The following CDKL2 variants were observed in gnomAD, a reference collection of about 807,000 sequenced individuals.
The protein encoded by CDKL2 is cyclin-dependent kinase-like 2.
In CDKL2, 64 loss-of-function variants were observed where a neutral mutation model predicts 63.9. The observed-to-expected ratio is 1.00, with a 90% CI of 0.82 to 1.23. The LOEUF is 1.23. CDKL2 is among the 50% of genes most tolerant of loss of function. The pLI is 0.00. For synonymous variants in CDKL2, 211 were observed against 229.2 expected (o/e 0.92, Z 0.72); for missense variants, 656 against 668.0 (o/e 0.98, Z 0.20).
chr4:75,594,999 A>G (rs1728854994), intron 10 of CDKL2, among the ~76,000 whole-genome samples: 1 of 152,132 alleles, frequency 6.6e-6, no homozygotes, highest in African/African-American at 2.4e-5. Flanking sequence ...ACTTCAAAAG[A>G]GAAACATTCT....
intron 12 of CDKL2, among the ~76,000 whole-genome samples, chr4:75,587,341 T>G (rs1728519043): frequency 6.6e-6 from 1 of 151,684 alleles, no homozygotes; most frequent in South Asian, 2.1e-4. Flanking sequence ...GTAATCCCAG[T>G]AACTCGGGAG....
In CDKL2 at chr4:75,614,276, A is replaced by G; in HGVS notation, c.342T>C (p.Ile114=). The change falls in exon 3 of 14, where the codon ATT becomes ATC. Residue 114 remains isoleucine (I), a synonymous_variant. Coordinates refer to ENST00000307465, the MANE Select transcript of CDKL2 (RefSeq NM_001330724.2). ...TTACATTGTGACTGTGACAAAATCC[A>G]ATTCCATTAATAATCTGAAACAAAT... is the stretch of plus-strand genomic sequence containing the variant. ...QKYLFQIING[I]GFCHSHNIIH... The G allele has an allele frequency of 1.2e-6, 2 of 1,605,056 alleles. No homozygotes were observed. The highest frequency in any genetic ancestry group is 1.7e-6 in the Non-Finnish European group (2 of 1,176,420).
rs1455481071 is a variant in CDKL2, at chr4:75,630,475, C to T, written c.-463G>A. Reference sequence around the variant, plus strand: ...CGCCCAGTACCTGGAGCCTGGGAACCTGCACCGCTCCAACTACCCCTGGGC... The same window carrying T: ...CGCCCAGTACCTGGAGCCTGGGAACTTGCACCGCTCCAACTACCCCTGGGC... On this transcript the variant is annotated 5_prime_UTR_variant, in exon 1 of 14. Coordinates refer to ENST00000307465, the MANE Select transcript of CDKL2 (RefSeq NM_001330724.2). 2 of 152,340 alleles carry T rather than the reference C, an allele frequency of 1.3e-5. No individual in the cohort carries two copies. The highest frequency in any genetic ancestry group is 4.8e-5 in the African/African-American group (2 of 41,482). The allele number at this position is 152,340 out of a possible 1,614,324, so 9.4% of individuals were successfully genotyped here.
chr4:75,622,065 G>A (rs1730177434), intron 2 of CDKL2, among the ~76,000 whole-genome samples: 1 of 152,074 alleles, frequency 6.6e-6, no homozygotes, highest in African/African-American at 2.4e-5. Flanking sequence ...GTACCTGTTT[G>A]AGTATCAATA....
chr4:75,606,938 A>G (rs1020849586), intron 4 of CDKL2, among the ~76,000 whole-genome samples: 1 of 152,192 alleles, frequency 6.6e-6, no homozygotes, highest in Admixed American at 6.5e-5. Context: ...TGATAAATAT[A>G]TCTATTTCCA....
rs780619330 is a variant in CDKL2, at chr4:75,603,976, A to G, written c.656-20T>C. 3.8e-6 allele frequency: 6 copies of G among 1,595,536 alleles called. No homozygotes were observed. The highest frequency in any genetic ancestry group is 3.4e-5 in the South Asian group (3 of 88,376). On this transcript the variant is annotated intron_variant, in intron 5 of 13. Coordinates refer to ENST00000307465, the MANE Select transcript of CDKL2 (RefSeq NM_001330724.2). Reference sequence around the variant, plus strand: ...GATTACCTGGAAGTGAAAACAGCACATATCTCTGTTATTATACAACATGAT... The same window carrying G: ...GATTACCTGGAAGTGAAAACAGCACGTATCTCTGTTATTATACAACATGAT...
At chr4:75,620,764 G>A (rs1460258519) in intron 2 of CDKL2, among the ~76,000 whole-genome samples, 2 of 152,074 alleles carry the variant, frequency 1.3e-5, no homozygotes, top group East Asian at 1.9e-4. Flanking sequence ...AGTGATTGAC[G>A]TTCAGGGGCC....
rs1026594644 is a variant in CDKL2 at position 75,577,567 on chromosome 4, T to C, written c.*1635A>G. ...CACTGATCTTTACATAAAAATAGTATTGAAATAAGCCGAAGCGCCATTTGG... is the reference window on the plus strand; with the variant it reads ...CACTGATCTTTACATAAAAATAGTACTGAAATAAGCCGAAGCGCCATTTGG... On this transcript the variant is annotated 3_prime_UTR_variant, in exon 14 of 14. Coordinates refer to ENST00000307465, the MANE Select transcript of CDKL2 (RefSeq NM_001330724.2). Among the ~76,000 whole-genome samples the C allele has an allele frequency of 2.0e-5, 3 of 152,210 alleles. No homozygotes were observed. Among genetic ancestry groups the C allele is most frequent in the African/African-American group, 7.2e-5 (3 of 41,470 alleles).
At chr4:75,582,482 A>G (rs2148855915) in intron 12 of CDKL2, among the ~76,000 whole-genome samples, 1 of 152,312 alleles carries the variant, frequency 6.6e-6, no homozygotes, top group East Asian at 1.9e-4. Flanking sequence ...AAGTGGCCCA[A>G]TCTGAAGAAC....
rs878934221 is a variant in CDKL2, at chr4:75,577,995, C to A, written c.*1207G>T. ...GCAACACACTATTAATTAGTTAAGG[C>A]AAAAAAAAAAAAAAAACTCACAAAT... On this transcript the variant is annotated 3_prime_UTR_variant, in exon 14 of 14. Coordinates refer to ENST00000307465, the MANE Select transcript of CDKL2 (RefSeq NM_001330724.2). The A allele has an allele frequency of 1.3e-3, 177 of 138,658 alleles. No individual in the cohort carries two copies. The highest frequency in any genetic ancestry group is 2.5e-3 in the East Asian group (12 of 4,872). 8.6% of individuals were successfully genotyped at this position (138,658 alleles called of 1,614,324 possible). A position where few individuals can be genotyped will look rare whatever the true frequency, so the allele number is the denominator to read the frequency against.
chr4:75,594,268 A>T (rs1728821004), intron 10 of CDKL2, among the ~76,000 whole-genome samples: 1 of 151,858 alleles, frequency 6.6e-6, no homozygotes, highest in Non-Finnish European at 1.5e-5. Context: ...GCCGACATGG[A>T]GAAACCCCGC....
chr4:75,602,287 T>A (rs895501699), intron 6 of CDKL2, among the ~76,000 whole-genome samples: 1 of 152,152 alleles, frequency 6.6e-6, no homozygotes, highest in Non-Finnish European at 1.5e-5. Context: ...TTCAAGCAAT[T>A]CTCTGCCTCA....
chr4:75,582,173 C>A (rs1728291308), intron 12 of CDKL2, among the ~76,000 whole-genome samples: 1 of 152,158 alleles, frequency 6.6e-6, no homozygotes, highest in Non-Finnish European at 1.5e-5. Context: ...AAGCCCACTA[C>A]AGCCCATCTC....
At chr4:75,581,752 C>T (rs1291314909) in intron 13 of CDKL2, 58 bp downstream of exon 13, 3 of 935,254 alleles carry the variant, frequency 3.2e-6, no homozygotes, top group Non-Finnish European at 5.1e-6. Context: ...ATTCAGCAAG[C>T]CACAAAATAG....
intron 7 of CDKL2, among the ~76,000 whole-genome samples, chr4:75,599,466 C>A (rs550641249): frequency 9.3e-4 from 128 of 136,960 alleles, no homozygotes; most frequent in African/African-American, 3.4e-3. Flanking sequence ...GAGGCTGAGG[C>A]AAGAGAATCG....
chr4:75,587,635 C>A (rs774802368), intron 12 of CDKL2, among the ~76,000 whole-genome samples: 2 of 151,804 alleles, frequency 1.3e-5, no homozygotes, highest in Admixed American at 1.3e-4. Flanking sequence ...AGAGGCCGGG[C>A]GCAGTGGTTC....
chr4:75,600,464 A>ATT, intron 6 of CDKL2, 95 bp from the exon 7 acceptor site: 14 of 663,604 alleles, frequency 2.1e-5, no homozygotes, highest in South Asian at 4.3e-5. Context: ...ATAGTCAACG[A>ATT]TTTTTTTTTT....
In CDKL2 at chr4:75,589,244, C is replaced by T. The variant is rs554615969; in HGVS notation, c.1647+2575G>A. Among the ~76,000 whole-genome samples the T allele has an allele frequency of 3.3e-5, 5 of 150,900 alleles. No homozygotes were observed. In the East Asian group the frequency reaches 7.8e-4, roughly 23 times the overall value. On this transcript the variant is annotated intron_variant, in intron 12 of 13. Transcript: ENST00000307465. Reference sequence around the variant, plus strand: ...ATAAGGCACAACTGAAATTATTATGCATTGCTGGTTGAAATACAAAATAGT... The same window carrying T: ...ATAAGGCACAACTGAAATTATTATGTATTGCTGGTTGAAATACAAAATAGT...
chr4:75,619,579 A>T (rs1292054838), intron 2 of CDKL2, among the ~76,000 whole-genome samples: 4 of 72,076 alleles, frequency 5.5e-5, no homozygotes, highest in African/African-American at 2.3e-4. Flanking sequence ...CAGCTGTATA[A>T]AAAAAAAAAA....
Sources: gnomAD v4.1 joint callset for allele counts (sites outside exome capture counted in the v4.1 genomes callset) on GRCh38, gnomAD v4.1.1 for gene constraint, MANE v1.5 for transcripts, NCBI Gene and HGNC (gene_info 2026-07-23, HGNC 2026-07-21) for gene names.